MYO5A: variants seen among roughly 807,000 people sequenced by gnomAD.
The protein encoded by MYO5A is myosin VA, also known as unconventional myosin-Va.
A neutral mutation model predicts 249.7 loss-of-function variants in MYO5A; 98 were observed. The ratio of observed to expected loss-of-function variants is 0.39; its 90% CI spans 0.33 to 0.46. The LOEUF is 0.46. Ranked by LOEUF, MYO5A falls within the 20% of genes least tolerant of loss-of-function variation. The pLI, the probability that MYO5A is intolerant of heterozygous loss-of-function variation, is 0.98. For synonymous variants in MYO5A, 778 were observed against 810.6 expected (o/e 0.96, Z 0.68); for missense variants, 1,696 against 2,308.8 (o/e 0.73, Z 5.44).
At chr15:52,470,091 A>G (rs1057391573) in intron 1 of MYO5A, among the ~76,000 whole-genome samples, 8 of 152,212 alleles carry the variant, frequency 5.3e-5, no homozygotes, top group African/African-American at 1.2e-4. Flanking sequence ...AGCGTTTTCT[A>G]TAACAATAAT....
intron 2 of MYO5A, among the ~76,000 whole-genome samples, chr15:52,432,793 T>C (rs1442941222): frequency 6.6e-6 from 1 of 152,282 alleles, no homozygotes; most frequent in Non-Finnish European, 1.5e-5. Context: ...CCCCTCAGTT[T>C]TGCTCTCCAT....
chr15:52,375,713 TTGC>T (rs1286499266), intron 19 of MYO5A, among the ~76,000 whole-genome samples: 4 of 152,244 alleles, frequency 2.6e-5, no homozygotes, highest in Non-Finnish European at 5.9e-5. Flanking sequence ...ATGGCCCACA[TTGC>T]CAGATTTTAC....
chr15:52,336,430 T>G (rs1271871976), intron 34 of MYO5A, 33 bp downstream of exon 34: 1 of 1,395,676 alleles, frequency 7.2e-7, no homozygotes, highest in South Asian at 1.2e-5. Flanking sequence ...AAACCAAGAC[T>G]CAGTGACCGT....
At position 52,428,521 on chromosome 15, in the gene MYO5A, G is replaced by A. The variant is rs1330819225; in HGVS notation, c.187C>T (p.Arg63Ter). Residue 63 changes from arginine (R) to a stop codon, truncating the protein, a stop_gained, in exon 3 of 42, where the codon CGA becomes TGA. Coordinates refer to ENST00000399233, the MANE Select transcript of MYO5A (RefSeq NM_001382347.1). LOFTEE classifies it high-confidence loss of function. ...DPKTKELPHL[R>*]NPDILVGEND... ...TCACCAACAAGTATGTCAGGATTTCGTAAGTGAGGCAGCTCCTTGGTCTTT... is the reference window on the plus strand; with the variant it reads ...TCACCAACAAGTATGTCAGGATTTCATAAGTGAGGCAGCTCCTTGGTCTTT... The A allele has an allele frequency of 6.2e-7, 1 of 1,614,174 alleles. No homozygotes were observed. Among genetic ancestry groups the A allele is most frequent in the Non-Finnish European group, 8.5e-7 (1 of 1,180,000 alleles).
At chr15:52,396,225 A>G (rs1054772716) in intron 11 of MYO5A, 91 bp downstream of exon 11, 23 of 811,836 alleles carry the variant, frequency 2.8e-5, no homozygotes, top group Non-Finnish European at 4.7e-5. Context: ...TTAATTCACA[A>G]CTTCATTCCA....
rs142651211 is a variant in MYO5A at position 52,527,843 on chromosome 15, T to C, written c.27+937A>G. Reference sequence around the variant, plus strand: ...ATGAAAGTTCTGTTGCAAAAGCTAATGTGAAAAGGCAACTCTATTAACTGC... The same window carrying C: ...ATGAAAGTTCTGTTGCAAAAGCTAACGTGAAAAGGCAACTCTATTAACTGC... On this transcript the variant is annotated intron_variant, in intron 1 of 41. Transcript: ENST00000399233. Among the ~76,000 whole-genome samples the C allele has an allele frequency of 2.5e-3, 376 of 152,330 alleles. 2 individuals are homozygous for C. Among genetic ancestry groups the C allele is most frequent in the Non-Finnish European group, 3.8e-3 (259 of 68,038 alleles).
At chr15:52,330,002 T>A (rs1377534667) in intron 35 of MYO5A, among the ~76,000 whole-genome samples, 8 of 150,688 alleles carry the variant, frequency 5.3e-5, no homozygotes, top group Non-Finnish European at 1.0e-4. Context: ...TTTTTTTTTT[T>A]AAAGTACTAG....
intron 1 of MYO5A, among the ~76,000 whole-genome samples, chr15:52,475,452 T>G (rs145113218): frequency 3.9e-5 from 6 of 152,068 alleles, no homozygotes; most frequent in African/African-American, 1.2e-4. Context: ...TTTGCTCTTG[T>G]TTCTCTAGTT....
chr15:52,496,099 A>G (rs918775426), intron 1 of MYO5A, among the ~76,000 whole-genome samples: 1 of 152,170 alleles, frequency 6.6e-6, no homozygotes, highest in African/African-American at 2.4e-5. Flanking sequence ...AAATGAAAAA[A>G]AAAAAGAAAA....
chr15:52,389,319 G>A lies in MYO5A; in HGVS notation c.1587C>T (p.Asn529=). The A allele has an allele frequency of 3.1e-6, 5 of 1,612,498 alleles. No homozygotes were observed. Among genetic ancestry groups the A allele is most frequent in the Non-Finnish European group, 4.2e-6 (5 of 1,178,622 alleles). The change falls in exon 13 of 42, where the codon AAC becomes AAT. Residue 529 remains asparagine (N), a synonymous_variant. Transcript: ENST00000399233. ...AGAGTGCACATTTGTTCAAATGTGTGTTGTACAATTTTTGGGCCCAGGTGT... is the reference window on the plus strand; with the variant it reads ...AGAGTGCACATTTGTTCAAATGTGTATTGTACAATTTTTGGGCCCAGGTGT... ...TDDTWAQKLY[N]THLNKCALFE...
chr15:52,317,008 T>C, intron 40 of MYO5A, 40 bp downstream of exon 40: 3 of 1,588,284 alleles, frequency 1.9e-6, no homozygotes, highest in Non-Finnish European at 2.6e-6. Flanking sequence ...TCATCTTTGA[T>C]GAATGTTAAA....
chr15:52,375,464 G>A lies in MYO5A; in HGVS notation c.2421-4C>T. 1 of 1,613,920 alleles carries A rather than the reference G, an allele frequency of 6.2e-7. No homozygotes were observed. Among genetic ancestry groups the A allele is most frequent in the Non-Finnish European group, 8.5e-7 (1 of 1,179,942 alleles). On this transcript the variant is annotated splice_region_variant and splice_polypyrimidine_tract_variant and intron_variant, in intron 19 of 41. Transcript: ENST00000399233. ...TCTGCGCAGAAACTTAGCATAGCTG[G>A]CCAAAGAAAATAACATTATGTTGTC... is the stretch of plus-strand genomic sequence containing the variant.
chr15:52,328,625 G>C (rs1306583855), intron 35 of MYO5A, among the ~76,000 whole-genome samples: 1 of 152,282 alleles, frequency 6.6e-6, no homozygotes, highest in Admixed American at 6.5e-5. Context: ...CCCCAGTACT[G>C]CATTTTCCAT....
chr15:52,522,218 G>A (rs969939338), intron 1 of MYO5A, among the ~76,000 whole-genome samples: 12 of 152,200 alleles, frequency 7.9e-5, no homozygotes, highest in Admixed American at 6.5e-5. Flanking sequence ...CAAAGCACAA[G>A]GGAACTTTTG....
At chr15:52,363,726 G>C (rs1001239204) in intron 24 of MYO5A, among the ~76,000 whole-genome samples, 15 of 152,142 alleles carry the variant, frequency 9.9e-5, no homozygotes, top group African/African-American at 3.6e-4. Context: ...GGATGCTTGG[G>C]AACTCTTTGT....
At chr15:52,332,566 C>G (rs1359322794) in intron 34 of MYO5A, among the ~76,000 whole-genome samples, 2 of 152,208 alleles carry the variant, frequency 1.3e-5, no homozygotes, top group Admixed American at 6.5e-5. Flanking sequence ...CTCTCTGCCT[C>G]TGAATTCTCC....
At chr15:52,318,661 GCAAT>G (rs2038147990) in intron 39 of MYO5A, among the ~76,000 whole-genome samples, 1 of 152,074 alleles carries the variant, frequency 6.6e-6, no homozygotes, top group Admixed American at 6.5e-5. Flanking sequence ...ATTTCTAAGA[GCAAT>G]CAAACATTAG....
intron 31 of MYO5A, among the ~76,000 whole-genome samples, chr15:52,340,989 T>TAA (rs112962197): frequency 3.0e-3 from 432 of 145,742 alleles, no homozygotes; most frequent in African/African-American, 9.0e-3. Flanking sequence ...AATGAGGATG[T>TAA]AAAAAAAAAA....
rs774197659 is a variant in MYO5A at position 52,376,552 on chromosome 15, C to A, written c.2215G>T (p.Asp739Tyr). Reference protein sequence around the residue: ...NVLEKLILDKDKYQFGKTKIF... With the variant: ...NVLEKLILDKYKYQFGKTKIF... The stretch of plus-strand genomic sequence containing the variant: ...TTTGTCTTACCAAACTGGTATTTGT[C>A]CTTGTCCTATTTTTGGAAGAAATTG... The change falls in exon 19 of 42, where the codon GAC (aspartate) becomes TAC (tyrosine). Residue 739 changes from aspartate (D) to tyrosine (Y), a missense_variant. By Grantham distance (160) the Asp-to-Tyr change is radical. Around this residue, in one of 5 missense-constraint regions of MYO5A, gnomAD observed 277 missense variants for 422.4 expected, o/e 0.66. Transcript: ENST00000399233. 6.2e-7 allele frequency: 1 copy of A among 1,613,886 alleles called. No individual in the cohort carries two copies. The highest frequency in any genetic ancestry group is 8.5e-7 in the Non-Finnish European group (1 of 1,179,840).
Sources: allele counts gnomAD v4.1 joint callset (sites outside exome capture counted in the v4.1 genomes callset), GRCh38; gene constraint gnomAD v4.1.1; regional missense constraint gnomAD v4.1.1; transcripts MANE v1.5; gene names NCBI Gene and HGNC (gene_info 2026-07-23, HGNC 2026-07-21).